KCNH4: variants seen among roughly 807,000 people sequenced by gnomAD.
KCNH4 encodes the protein voltage-gated delayed rectifier potassium channel KCNH4.
In KCNH4, 33 loss-of-function variants were observed where a neutral mutation model predicts 90.7. That is an observed-to-expected ratio of 0.36 (90% CI 0.28 to 0.49). The LOEUF (loss-of-function observed/expected upper bound fraction) is 0.49, where lower values mean the gene tolerates loss of function less well. KCNH4 is among the 20% of genes least tolerant of loss of function. The pLI is 0.98. For missense variants in KCNH4, 1,044 were observed against 1,387.1 expected (o/e 0.75, Z 3.93); for synonymous variants, 551 against 581.7 (o/e 0.95, Z 0.76).
chr17:42,177,181 C>T (rs934512033), intron 4 of KCNH4, among the ~76,000 whole-genome samples: 1 of 152,080 alleles, frequency 6.6e-6, no homozygotes, highest in Non-Finnish European at 1.5e-5. Context: ...TTCCAAGTAG[C>T]TGGGATTACA....
chr17:42,172,536 AAC>A (rs55671197), intron 6 of KCNH4, among the ~76,000 whole-genome samples: 16,774 of 136,374 alleles, frequency 0.12, 892 homozygotes, highest in Non-Finnish European at 0.13. Flanking sequence ...CTTATTTAAC[AAC>A]ACACACACAC....
Position 42,163,166 on chromosome 17 carries a change from G to A in KCNH4, c.2584+62C>T. ...CATGGTAGGCCCCTACTACATATGG[G>A]ATGGATGGACAGGTGGATGGGCAGA... On this transcript the variant is annotated intron_variant, in intron 14 of 16. Coordinates refer to ENST00000264661, the MANE Select transcript of KCNH4 (RefSeq NM_012285.3). The surrounding 1 kb of genome is among the most constrained non-coding windows in gnomAD (Gnocchi z 5.4). The A allele has an allele frequency of 1.7e-6, 2 of 1,155,512 alleles. No homozygotes were observed. The highest frequency in any genetic ancestry group is 2.6e-6 in the Non-Finnish European group (2 of 763,288). 71.6% of individuals were successfully genotyped at this position (1,155,512 alleles called of 1,614,324 possible). A position where few individuals can be genotyped will look rare whatever the true frequency, so the allele number is the denominator to read the frequency against.
At position 42,166,371 on chromosome 17, in the gene KCNH4, G is replaced by A; in HGVS notation, c.1766C>T (p.Ala589Val). The change falls in exon 10 of 17, where the codon GCC becomes GTC. Residue 589 changes from alanine to valine, a missense_variant. Around this residue, in one of 4 missense-constraint regions of KCNH4, gnomAD observed 318 missense variants for 479.6 expected, o/e 0.66. Coordinates refer to ENST00000264661, the MANE Select transcript of KCNH4 (RefSeq NM_012285.3). ...GCAGACATAGTAATGTGCCTGCAGG[G>A]CATCCCCACGGCGCAACAGGTACTC... ...PGEYLLRRGD[A>V]LQAHYYVCSG... 6.2e-7 allele frequency: 1 copy of A among 1,613,712 alleles called. No homozygotes were observed. Among genetic ancestry groups the A allele is most frequent in the Non-Finnish European group, 8.5e-7 (1 of 1,179,792 alleles).
rs2079756971 is a variant in KCNH4, at chr17:42,162,620, TCTCA to T, written c.2585-303_2585-300del. 2.0e-5 allele frequency among the ~76,000 whole-genome samples: 3 copies of T among 150,878 alleles called. No individual in the cohort carries two copies. In the South Asian group the frequency reaches 6.3e-4, roughly 32 times the overall value. On this transcript the variant is annotated intron_variant, in intron 14 of 16. Coordinates refer to ENST00000264661, the MANE Select transcript of KCNH4 (RefSeq NM_012285.3). ...TTTTGTTTTTTTTTTTGAGATGGGG[TCTCA>T]CTCTGTTGCCCAGGGTGGAGTGCAG...
intron 1 of KCNH4, among the ~76,000 whole-genome samples, chr17:42,179,967 A>G (rs1275583868): frequency 6.6e-6 from 1 of 152,200 alleles, no homozygotes; most frequent in Non-Finnish European, 1.5e-5. Flanking sequence ...GTGCTCTAGG[A>G]GGGATGACTG....
chr17:42,159,096 T>C (rs1023560597), intron 16 of KCNH4, among the ~76,000 whole-genome samples: 24 of 151,964 alleles, frequency 1.6e-4, no homozygotes, highest in African/African-American at 5.6e-4. Flanking sequence ...GGTGCGATCT[T>C]GGCTCACTGC....
chr17:42,160,152 G>A lies in KCNH4; in HGVS notation c.2942C>T (p.Pro981Leu), dbSNP rs934766846. 2 of 1,612,354 alleles carry A rather than the reference G, an allele frequency of 1.2e-6. No homozygotes were observed. Among genetic ancestry groups the A allele is most frequent in the African/African-American group, 2.7e-5 (2 of 74,914 alleles). ...CAGAGGGTCAGGCTCTGAGGGGTAGGGGGGCAATATGGAAGGTCTCAAGTC... is the reference window on the plus strand; with the variant it reads ...CAGAGGGTCAGGCTCTGAGGGGTAGAGGGGCAATATGGAAGGTCTCAAGTC... ...LLDLRPSILP[P>L]YPSEPDPLGP... The change falls in exon 16 of 17, where the codon CCC becomes CTC. Residue 981 changes from proline to leucine, a missense_variant. Pro to Leu is a moderately conservative substitution (Grantham distance 98). Transcript: ENST00000264661.
At chr17:42,179,968 G>A (rs2079889742) in intron 1 of KCNH4, among the ~76,000 whole-genome samples, 1 of 152,250 alleles carries the variant, frequency 6.6e-6, no homozygotes. Flanking sequence ...TGCTCTAGGA[G>A]GGATGACTGT....
rs1338019720 is a variant in KCNH4, at chr17:42,163,783, G to A, written c.2300C>T (p.Pro767Leu). Residue 767 changes from proline (P) to leucine (L), a missense_variant, in exon 13 of 17, where the codon CCC becomes CTC. This residue lies in a region of KCNH4 where 441 missense variants were observed against 512.3 expected (regional missense o/e 0.86). Transcript: ENST00000264661. The surrounding 1 kb of genome is among the most constrained non-coding windows in gnomAD (Gnocchi z 5.4). ...SLVSLLGEEL[P>L]PFSALVSSPS... is the part of the protein sequence containing the mutation. Reference sequence around the variant, plus strand: ...AGAGGAGACAAGGGCTGAGAATGGGGGCAGCTCCTCGCCCAAAAGGCTGAC... The same window carrying A: ...AGAGGAGACAAGGGCTGAGAATGGGAGCAGCTCCTCGCCCAAAAGGCTGAC... 1.6e-5 allele frequency: 25 copies of A among 1,549,854 alleles called. No individual in the cohort carries two copies. The highest frequency in any genetic ancestry group is 6.8e-5 in the African/African-American group (5 of 73,062).
chr17:42,171,111 A>G (rs1377258596), intron 7 of KCNH4, among the ~76,000 whole-genome samples: 2 of 152,054 alleles, frequency 1.3e-5, no homozygotes, highest in East Asian at 1.9e-4. Context: ...TAGTGGGTCA[A>G]CGTTGAATCC....
Position 42,163,297 on chromosome 17 carries a change from C to CAG in KCNH4, c.2513_2514dup (p.Glu839LeufsTer39). Reference sequence around the variant, plus strand: ...CTGCTGAATCGGAATGAAGGGGCCTCAGCTGTGCTGCCAGAGTCCTCAATG... The same window carrying CAG: ...CTGCTGAATCGGAATGAAGGGGCCTCAGAGCTGTGCTGCCAGAGTCCTCAATG... On this transcript the variant is annotated frameshift_variant, in exon 14 of 17. Coordinates refer to ENST00000264661, the MANE Select transcript of KCNH4 (RefSeq NM_012285.3). LOFTEE classifies it high-confidence loss of function. This position sits in a 1 kb window ranked among gnomAD's most constrained non-coding sequence, Gnocchi z 5.4. The CAG allele has an allele frequency of 6.2e-7, 1 of 1,614,080 alleles. No individual in the cohort carries two copies. Among genetic ancestry groups the CAG allele is most frequent in the Non-Finnish European group, 8.5e-7 (1 of 1,180,008 alleles).
intron 2 of KCNH4, 92 bp downstream of exon 2, chr17:42,178,701 G>T: frequency 8.1e-7 from 1 of 1,239,628 alleles, no homozygotes; most frequent in South Asian, 1.4e-5. Flanking sequence ...TGGCAGTGTG[G>T]GGACAAGCAC....
intron 16 of KCNH4, among the ~76,000 whole-genome samples, chr17:42,157,941 T>C (rs550784135): frequency 2.0e-5 from 3 of 152,166 alleles, no homozygotes; most frequent in Non-Finnish European, 2.9e-5. Flanking sequence ...TATTTATTTA[T>C]TTTTGAGGTG....
At chr17:42,162,117 G>A (rs977850554) in intron 15 of KCNH4, 131 bp downstream of exon 15, 5 of 711,860 alleles carry the variant, frequency 7.0e-6, no homozygotes, top group African/African-American at 1.8e-5. Flanking sequence ...GCTAATTTTT[G>A]TATTTTTTAG....
chr17:42,167,921 G>A (rs982555872), intron 9 of KCNH4, among the ~76,000 whole-genome samples: 2 of 152,170 alleles, frequency 1.3e-5, no homozygotes, highest in African/African-American at 2.4e-5. Flanking sequence ...CCCATGTCGT[G>A]CCTTCCTGCC....
At chr17:42,165,820 G>C (rs1001074741) in intron 10 of KCNH4, 127 bp from the exon 11 acceptor site, 9 of 1,094,470 alleles carry the variant, frequency 8.2e-6, no homozygotes, top group Admixed American at 2.1e-5. Flanking sequence ...GCCAGTCAAT[G>C]GGATTGGTGG....
Position 42,176,143 on chromosome 17 carries a change from T to G in KCNH4, c.740A>C (p.Asn247Thr). Residue 247 changes from asparagine (N) to threonine (T), a missense_variant, in exon 5 of 17, where the codon AAT becomes ACT. By Grantham distance (65) the Asn-to-Thr change is moderately conservative. This residue lies in a region of KCNH4 where 283 missense variants were observed against 378.6 expected (regional missense o/e 0.75). Coordinates refer to ENST00000264661, the MANE Select transcript of KCNH4 (RefSeq NM_012285.3). ...TFYVAVTVPY[N>T]VCFSGDDDTP... ...GTCATCGTCACCCGAGAAACAGACA[T>G]TGTAGGGGACGGTGACCGCAACGTA... The G allele has an allele frequency of 6.2e-7, 1 of 1,613,334 alleles. No homozygotes were observed. The highest frequency in any genetic ancestry group is 8.5e-7 in the Non-Finnish European group (1 of 1,179,752).
rs9913587 is a variant in KCNH4, at chr17:42,161,553, C to T, written c.2658+695G>A. ...GTTCAGACATCTGGATCCAGGTCCC[C>T]CAGGCCTGAAGGCCTCTCAGCCTCC... On this transcript the variant is annotated intron_variant, in intron 15 of 16. Coordinates refer to ENST00000264661, the MANE Select transcript of KCNH4 (RefSeq NM_012285.3). Among the ~76,000 whole-genome samples the T allele has an allele frequency of 2.1e-3, 326 of 152,360 alleles. 1 individual carries two copies. Among genetic ancestry groups the T allele is most frequent in the African/African-American group, 7.6e-3 (315 of 41,584 alleles).
At chr17:42,159,113 C>T (rs533517284) in intron 16 of KCNH4, among the ~76,000 whole-genome samples, 5 of 152,064 alleles carry the variant, frequency 3.3e-5, no homozygotes, top group South Asian at 2.1e-4. Context: ...CTGCAACCTC[C>T]GCCTCCCGGA....
Sources: allele counts gnomAD v4.1 joint callset (sites outside exome capture counted in the v4.1 genomes callset), GRCh38; gene constraint gnomAD v4.1.1; regional missense constraint gnomAD v4.1.1; non-coding constraint Gnocchi (gnomAD v3.1); transcripts MANE v1.5; gene names NCBI Gene and HGNC (gene_info 2026-07-23, HGNC 2026-07-21).